The following NSUN7 variants were observed in gnomAD, a reference collection of about 807,000 sequenced individuals.
NSUN7 encodes the protein NOP2/Sun RNA methyltransferase family member 7.
A neutral mutation model predicts 58.5 loss-of-function variants in NSUN7; 39 were observed. The ratio of observed to expected loss-of-function variants is 0.67; its 90% CI spans 0.52 to 0.87. The LOEUF is 0.87. NSUN7 is among the 40% of genes least tolerant of loss of function. The probability of loss-of-function intolerance (pLI) is 0.00; values close to 1 mark genes in which losing one functional copy is unlikely to be tolerated. For missense variants in NSUN7, 765 were observed against 844.1 expected (o/e 0.91, Z 1.16); for synonymous variants, 278 against 303.7 (o/e 0.92, Z 0.88).
chr4:40,761,365 T>C, intron 4 of NSUN7, 64 bp downstream of exon 4: 1 of 1,286,650 alleles, frequency 7.8e-7, no homozygotes. Flanking sequence ...ATTGGTAAAA[T>C]TACATACAGT....
At position 40,774,866 on chromosome 4, in the gene NSUN7, C is replaced by T. The variant is rs752991155; in HGVS notation, c.741C>T (p.Cys247=). 2 of 1,436,404 alleles carry T rather than the reference C, an allele frequency of 1.4e-6. No homozygotes were observed. The highest frequency in any genetic ancestry group is 3.4e-5 in the Admixed American group (2 of 59,414). The allele number at this position is 1,436,404 out of a possible 1,614,324, so 89.0% of individuals were successfully genotyped here. A position where few individuals can be genotyped will look rare whatever the true frequency, so the allele number is the denominator to read the frequency against. ...AAGTCTTTGCTGTGGATCAACATTGCTATGATGTCTTAATTTTTCCATCTC... is the reference window on the plus strand; with the variant it reads ...AAGTCTTTGCTGTGGATCAACATTGTTATGATGTCTTAATTTTTCCATCTC... ...DDKVFAVDQH[C]YDVLIFPSHL... Residue 247 remains cysteine (C), a synonymous_variant, in exon 6 of 12, where the codon TGC becomes TGT. Transcript: ENST00000381782.
chr4:40,799,663 C>T (rs1409964444), intron 10 of NSUN7, among the ~76,000 whole-genome samples: 1 of 151,988 alleles, frequency 6.6e-6, no homozygotes. Context: ...TTGGAGAGTA[C>T]ATATATTGAA....
At chr4:40,767,270 C>G (rs1394561564) in intron 4 of NSUN7, among the ~76,000 whole-genome samples, 2 of 152,150 alleles carry the variant, frequency 1.3e-5, no homozygotes, top group Non-Finnish European at 2.9e-5. Flanking sequence ...CCCAGAGATT[C>G]TGGTATGTTG....
rs1457053648 is a variant in NSUN7 at position 40,750,782 on chromosome 4, G to A, written c.89G>A (p.Gly30Glu). The change falls in exon 2 of 12, where the codon GGG becomes GAG. Residue 30 changes from glycine to glutamate, a missense_variant. By Grantham distance (98) the Gly-to-Glu change is moderately conservative. Transcript: ENST00000381782. ...CTCACTTCCCTGCCTCTGTCCGGTG[G>A]GAAAAGCTCAGCTGGTGTGCCCGAA... is the stretch of plus-strand genomic sequence containing the variant. Reference protein sequence around the residue: ...SQLTSLPLSGGKSSAGVPEKT... With the variant: ...SQLTSLPLSGEKSSAGVPEKT... 1 of 1,614,060 alleles carries A rather than the reference G, an allele frequency of 6.2e-7. No homozygotes were observed. The highest frequency in any genetic ancestry group is 8.5e-7 in the Non-Finnish European group (1 of 1,180,036).
chr4:40,785,303 G>C (rs898479085), intron 7 of NSUN7, among the ~76,000 whole-genome samples: 2 of 151,730 alleles, frequency 1.3e-5, no homozygotes, highest in Non-Finnish European at 2.9e-5. Flanking sequence ...AGCCACAGTG[G>C]AATCAAGCAA....
rs934298105 is a variant in NSUN7, at chr4:40,774,273, T to A, written c.497T>A (p.Ile166Lys). Reference sequence around the variant, plus strand: ...GGATTTTCTGTCTCTAGTTTTAAGATAAAATTGGCTGCAGCATTGGCAAGA... The same window carrying A: ...GGATTTTCTGTCTCTAGTTTTAAGAAAAAATTGGCTGCAGCATTGGCAAGA... ...EVENLLNSFKIKLAAALARCR... is the reference protein window; with the variant it reads ...EVENLLNSFKKKLAAALARCR... Residue 166 changes from isoleucine (I) to lysine (K), a missense_variant, in exon 5 of 12, where the codon ATA (isoleucine) becomes AAA (lysine). By Grantham distance (102) the Ile-to-Lys change is moderately radical. Transcript: ENST00000381782. 1 of 1,613,928 alleles carries A rather than the reference T, an allele frequency of 6.2e-7. No individual in the cohort carries two copies. Among genetic ancestry groups the A allele is most frequent in the African/African-American group, 1.3e-5 (1 of 74,940 alleles).
At chr4:40,753,946 G>A (rs534182317) in intron 2 of NSUN7, among the ~76,000 whole-genome samples, 19 of 152,236 alleles carry the variant, frequency 1.2e-4, no homozygotes, top group African/African-American at 4.6e-4. Context: ...GGCCTCCCCA[G>A]CCATATGGAA....
chr4:40,797,219 C>T (rs1173344175), intron 9 of NSUN7, among the ~76,000 whole-genome samples: 7 of 152,182 alleles, frequency 4.6e-5, no homozygotes, highest in Admixed American at 4.6e-4. Flanking sequence ...TGGGAGTGTG[C>T]CACAGTCCAT....
chr4:40,780,640 A>AT (rs959088724), intron 7 of NSUN7, among the ~76,000 whole-genome samples: 2 of 151,352 alleles, frequency 1.3e-5, no homozygotes, highest in African/African-American at 4.9e-5. Flanking sequence ...GAAAGGGGAC[A>AT]TAAAAAAAGC....
At chr4:40,778,193 AT>A (rs1181883251) in intron 7 of NSUN7, among the ~76,000 whole-genome samples, 1 of 152,204 alleles carries the variant, frequency 6.6e-6, no homozygotes, top group Non-Finnish European at 1.5e-5. Context: ...AGACTCAGTG[AT>A]TCAGTTATCT....
chr4:40,779,231 A>G (rs1742411228), intron 7 of NSUN7, among the ~76,000 whole-genome samples: 1 of 152,148 alleles, frequency 6.6e-6, no homozygotes, highest in Non-Finnish European at 1.5e-5. Context: ...CTGAAGTGGG[A>G]GGACCACTTG....
chr4:40,785,634 T>C (rs549875453), intron 7 of NSUN7, among the ~76,000 whole-genome samples: 163 of 152,152 alleles, frequency 1.1e-3, no homozygotes, highest in Admixed American at 2.3e-3. Context: ...GTGCTGGGAT[T>C]ACAGGCGTGA....
Position 40,803,913 on chromosome 4 carries a change from T to A in NSUN7, c.1401-3148T>A, listed in dbSNP as rs2437303. On this transcript the variant is annotated intron_variant, in intron 10 of 11. Coordinates refer to ENST00000381782, the MANE Select transcript of NSUN7 (RefSeq NM_024677.6). Reference sequence around the variant, plus strand: ...AGAGAGACCCCATCTCCACAAAAAATCAGCCAGGTGTGGTGGTGCCTACCT... The same window carrying A: ...AGAGAGACCCCATCTCCACAAAAAAACAGCCAGGTGTGGTGGTGCCTACCT... 4.1e-3 allele frequency among the ~76,000 whole-genome samples: 622 copies of A among 152,136 alleles called. 4 individuals carry two copies. The highest frequency in any genetic ancestry group is 0.014 in the African/African-American group (595 of 41,486).
chr4:40,753,212 G>GATTAT (rs1012544027), intron 2 of NSUN7, among the ~76,000 whole-genome samples: 12 of 151,666 alleles, frequency 7.9e-5, no homozygotes, highest in Admixed American at 3.9e-4. Context: ...ATGTGTGATA[G>GATTAT]ATTATTATTT....
chr4:40,760,911 C>T (rs1006412016), intron 3 of NSUN7, among the ~76,000 whole-genome samples: 3 of 150,576 alleles, frequency 2.0e-5, no homozygotes, highest in African/African-American at 7.3e-5. Flanking sequence ...ATATTGAAAC[C>T]TCTTAAATCT....
In NSUN7 at chr4:40,774,422, G is replaced by A. The variant is rs1400758845; in HGVS notation, c.641+5G>A. The A allele has an allele frequency of 6.2e-7, 1 of 1,611,172 alleles. No individual in the cohort carries two copies. Among genetic ancestry groups the A allele is most frequent in the Middle Eastern group, 1.7e-4 (1 of 6,052 alleles). ...GATAAATACTTGTAAAATCAGGTAA[G>A]TGTTTAAATCAAATTCTTTATATTT... On this transcript the variant is annotated splice_donor_5th_base_variant and intron_variant, in intron 5 of 11. Transcript: ENST00000381782.
intron 9 of NSUN7, among the ~76,000 whole-genome samples, chr4:40,795,105 G>A (rs965722496): frequency 7.2e-5 from 11 of 152,034 alleles, no homozygotes; most frequent in Admixed American, 2.6e-4. Context: ...GCTCACTTTG[G>A]GTCAGGTATT....
chr4:40,807,459 T>C (rs1743856295), intron 11 of NSUN7, among the ~76,000 whole-genome samples: 1 of 151,780 alleles, frequency 6.6e-6, no homozygotes, highest in Non-Finnish European at 1.5e-5. Flanking sequence ...AGCAATTCTC[T>C]GACTCAGCCT....
chr4:40,806,247 G>A (rs4441794), intron 10 of NSUN7, among the ~76,000 whole-genome samples: 41,623 of 152,000 alleles, frequency 0.27, 6,067 homozygotes, highest in Non-Finnish European at 0.32. Context: ...TGCCTGCCTC[G>A]GCCTCCCAAA....
Sources: allele counts gnomAD v4.1 joint callset (sites outside exome capture counted in the v4.1 genomes callset), GRCh38; gene constraint gnomAD v4.1.1; transcripts MANE v1.5; gene names NCBI Gene and HGNC (gene_info 2026-07-23, HGNC 2026-07-21).